CPPED1: variants seen among roughly 807,000 people sequenced by gnomAD.
The protein encoded by CPPED1 is calcineurin like phosphoesterase domain containing 1.
Under a neutral mutation model 28.0 loss-of-function variants are expected in CPPED1, and 28 were observed. That is an observed-to-expected ratio of 1.00 (90% CI 0.74 to 1.37). The LOEUF is 1.37. Ranked by LOEUF, CPPED1 falls within the 40% of genes most tolerant of loss-of-function variation. The pLI is 0.00. For synonymous variants in CPPED1, 198 were observed against 180.2 expected (o/e 1.10, Z -0.79); for missense variants, 504 against 416.5 (o/e 1.21, Z -1.83).
intron 2 of CPPED1, among the ~76,000 whole-genome samples, chr16:12,746,276 G>A (rs1359943473): frequency 6.7e-6 from 1 of 149,742 alleles, no homozygotes; most frequent in African/African-American, 2.5e-5. Flanking sequence ...TTGGGAGGCT[G>A]AAGCAGGAAA....
intron 2 of CPPED1, chr16:12,753,211 G>T (rs2080341916): frequency 2.0e-5 from 3 of 152,142 alleles, no homozygotes; most frequent in African/African-American, 7.2e-5. Context: ...TTCGCATGTT[G>T]AAATCCTAGC....
intron 2 of CPPED1, among the ~76,000 whole-genome samples, chr16:12,750,541 T>C (rs1457462064): frequency 6.6e-6 from 1 of 152,156 alleles, no homozygotes; most frequent in Non-Finnish European, 1.5e-5. Flanking sequence ...TAAATGGACA[T>C]GGTTTGTGGC....
intron 2 of CPPED1, among the ~76,000 whole-genome samples, chr16:12,713,406 C>T (rs1488358565): frequency 2.0e-5 from 3 of 152,248 alleles, no homozygotes; most frequent in East Asian, 1.9e-4. Context: ...CGCTCTGTCA[C>T]GCAGGCTGGA....
At chr16:12,679,024 CAT>C (rs1258972553) in intron 3 of CPPED1, among the ~76,000 whole-genome samples, 1 of 152,144 alleles carries the variant, frequency 6.6e-6, no homozygotes, top group African/African-American at 2.4e-5. Context: ...TTCAGAAAAA[CAT>C]AATCAATTTA....
chr16:12,696,995 T>C (rs1175326951), intron 3 of CPPED1, among the ~76,000 whole-genome samples: 1 of 152,180 alleles, frequency 6.6e-6, no homozygotes, highest in Non-Finnish European at 1.5e-5. Context: ...ACAGTACTCA[T>C]ACTACTATTT....
At chr16:12,760,762 T>A (rs1030487154) in intron 2 of CPPED1, 7 of 152,214 alleles carry the variant, frequency 4.6e-5, no homozygotes, top group African/African-American at 1.7e-4. Context: ...TGAGTACTGC[T>A]GCCCTAGTCT....
At chr16:12,770,737 G>A (rs182232898) in intron 2 of CPPED1, among the ~76,000 whole-genome samples, 1,914 of 152,092 alleles carry the variant, frequency 0.013, 25 homozygotes, top group Middle Eastern at 0.048. Context: ...CAGGAGAATC[G>A]CTTGAACCCG....
chr16:12,674,622 C>A (rs1345171525), intron 3 of CPPED1, among the ~76,000 whole-genome samples: 1 of 152,084 alleles, frequency 6.6e-6, no homozygotes, highest in African/African-American at 2.4e-5. Flanking sequence ...TTTACTGAAT[C>A]CTCCCAATGC....
At chr16:12,773,128 A>C (rs1435760534) in intron 2 of CPPED1, among the ~76,000 whole-genome samples, 2 of 152,176 alleles carry the variant, frequency 1.3e-5, no homozygotes, top group Non-Finnish European at 2.9e-5. Flanking sequence ...ACCCAAACGA[A>C]AGAAGCCATT....
intron 3 of CPPED1, among the ~76,000 whole-genome samples, chr16:12,679,803 T>G (rs2079895918): frequency 6.6e-6 from 1 of 152,166 alleles, no homozygotes; most frequent in African/African-American, 2.4e-5. Context: ...TGACCTTCCC[T>G]CCCCAAGAGC....
chr16:12,691,145 G>A (rs1352293512), intron 3 of CPPED1, among the ~76,000 whole-genome samples: 3 of 152,248 alleles, frequency 2.0e-5, no homozygotes, highest in Non-Finnish European at 4.4e-5. Context: ...TTTGCAGCTG[G>A]TTGATGCTGG....
At chr16:12,697,577 G>A (rs1279419207) in intron 3 of CPPED1, among the ~76,000 whole-genome samples, 3 of 152,180 alleles carry the variant, frequency 2.0e-5, no homozygotes, top group African/African-American at 7.2e-5. Flanking sequence ...GCGTCACCCT[G>A]TAATGGGAAC....
intron 2 of CPPED1, among the ~76,000 whole-genome samples, chr16:12,742,146 T>C (rs2080259470): frequency 6.6e-6 from 1 of 152,118 alleles, no homozygotes; most frequent in South Asian, 2.1e-4. Context: ...TAGAGAAATA[T>C]GTGGAAATGA....
chr16:12,762,340 G>C (rs1421252374), intron 2 of CPPED1, among the ~76,000 whole-genome samples: 1 of 152,150 alleles, frequency 6.6e-6, no homozygotes, highest in African/African-American at 2.4e-5. Context: ...ATATGATATT[G>C]TACTAGTTAT....
chr16:12,725,691 T>C (rs977569947), intron 2 of CPPED1, among the ~76,000 whole-genome samples: 2 of 152,122 alleles, frequency 1.3e-5, no homozygotes, highest in African/African-American at 4.8e-5. Context: ...TGTGGAGACC[T>C]CGTGTTCAAA....
chr16:12,758,221 C>G (rs2080384413), intron 2 of CPPED1, among the ~76,000 whole-genome samples: 2 of 152,132 alleles, frequency 1.3e-5, no homozygotes, highest in African/African-American at 4.8e-5. Flanking sequence ...AATTTATAAT[C>G]TTGTTTAATC....
At chr16:12,703,630 C>G (rs1198972597) in intron 3 of CPPED1, among the ~76,000 whole-genome samples, 1 of 149,522 alleles carries the variant, frequency 6.7e-6, no homozygotes, top group Non-Finnish European at 1.5e-5. Flanking sequence ...TGCAGTGAGC[C>G]GAGATTTTGC....
At chr16:12,694,902 G>C (rs1342098935) in intron 3 of CPPED1, among the ~76,000 whole-genome samples, 1 of 151,838 alleles carries the variant, frequency 6.6e-6, no homozygotes, top group African/African-American at 2.4e-5. Flanking sequence ...TTCAGCCTCT[G>C]GAGTAGCTGT....
rs575962473 is a variant in CPPED1, at chr16:12,692,097, G to T, written c.715+12527C>A. 5.3e-5 allele frequency among the ~76,000 whole-genome samples: 8 copies of T among 152,204 alleles called. No homozygotes were observed. In the South Asian group the frequency reaches 1.7e-3, roughly 32 times the overall value. On this transcript the variant is annotated intron_variant, in intron 3 of 3. Coordinates refer to ENST00000381774, the MANE Select transcript of CPPED1 (RefSeq NM_018340.3). The stretch of plus-strand genomic sequence containing the variant: ...TTGAACTCCTGACCTCAAGTGATCT[G>T]CCTGCCTCGGCCTCCCAAAGTGCTA...
Sources: gnomAD v4.1 joint callset for allele counts (sites outside exome capture counted in the v4.1 genomes callset) on GRCh38, gnomAD v4.1.1 for gene constraint, MANE v1.5 for transcripts, NCBI Gene and HGNC (gene_info 2026-07-23, HGNC 2026-07-21) for gene names.